CAMK2D: variants seen among roughly 807,000 people sequenced by gnomAD.
CAMK2D encodes calcium/calmodulin dependent protein kinase II delta.
Under a neutral mutation model 84.0 loss-of-function variants are expected in CAMK2D, and 37 were observed. That is an observed-to-expected ratio of 0.44 (90% CI 0.34 to 0.58). The LOEUF is 0.58. CAMK2D is among the 20% of genes least tolerant of loss of function. CAMK2D has a pLI of 0.02. For synonymous variants in CAMK2D, 202 were observed against 212.5 expected, an observed-to-expected ratio of 0.95 and a Z score of 0.43; for missense variants, 448 against 652.5, an observed-to-expected ratio of 0.69 and a Z score of 3.41.
At chr4:113,672,146 CTTT>C (rs1345573828) in intron 2 of CAMK2D, among the ~76,000 whole-genome samples, 2 of 152,104 alleles carry the variant, frequency 1.3e-5, no homozygotes, top group African/African-American at 4.8e-5. Flanking sequence ...TAACTTTCTT[CTTT>C]AAGTGAATAG....
At chr4:113,690,891 C>T (rs2099385179) in intron 2 of CAMK2D, among the ~76,000 whole-genome samples, 1 of 152,190 alleles carries the variant, frequency 6.6e-6, no homozygotes, top group Non-Finnish European at 1.5e-5. Context: ...TCTTTCTGAA[C>T]ACTTCTCTTG....
chr4:113,721,018 T>TA (rs980829345), intron 2 of CAMK2D, among the ~76,000 whole-genome samples: 4 of 152,044 alleles, frequency 2.6e-5, no homozygotes, highest in Admixed American at 2.6e-4. Context: ...GAAATACACA[T>TA]AAAAAACTTC....
At chr4:113,520,440 T>TAAAAG (rs1560676828) in intron 8 of CAMK2D, among the ~76,000 whole-genome samples, 2 of 151,930 alleles carry the variant, frequency 1.3e-5, no homozygotes, top group Non-Finnish European at 2.9e-5. Context: ...TAAAATAAAA[T>TAAAAG]AAAAGTGTTT....
chr4:113,488,205 G>C (rs575221801), intron 16 of CAMK2D, among the ~76,000 whole-genome samples: 8 of 151,928 alleles, frequency 5.3e-5, no homozygotes, highest in African/African-American at 1.9e-4. Flanking sequence ...ATAGATACAT[G>C]AACAAAAATG....
At chr4:113,741,453 T>TGTAGTATAAATTAGTC (rs2099592707) in intron 2 of CAMK2D, among the ~76,000 whole-genome samples, 1 of 152,168 alleles carries the variant, frequency 6.6e-6, no homozygotes, top group South Asian at 2.1e-4. Flanking sequence ...TTACTGTGAC[T>TGTAGTATAAATTAGTC]AATTTATAAA....
chr4:113,543,645 A>G (rs1013294014), intron 6 of CAMK2D, among the ~76,000 whole-genome samples: 1 of 152,134 alleles, frequency 6.6e-6, no homozygotes, highest in Non-Finnish European at 1.5e-5. Context: ...TGGTTCCTGA[A>G]GGAATGTTTG....
chr4:113,676,013 T>A (rs975670370), intron 2 of CAMK2D, among the ~76,000 whole-genome samples: 2 of 152,186 alleles, frequency 1.3e-5, no homozygotes, highest in Non-Finnish European at 2.9e-5. Flanking sequence ...ATTGGGAAAA[T>A]ATAACATTGA....
At chr4:113,458,836 A>C (rs2097336426) in intron 18 of CAMK2D, among the ~76,000 whole-genome samples, 2 of 152,204 alleles carry the variant, frequency 1.3e-5, no homozygotes, top group Non-Finnish European at 2.9e-5. Flanking sequence ...CATTCCTATA[A>C]TACATTTCTT....
At chr4:113,485,595 T>C (rs1260259193) in intron 16 of CAMK2D, among the ~76,000 whole-genome samples, 1 of 152,190 alleles carries the variant, frequency 6.6e-6, no homozygotes, top group Admixed American at 6.6e-5. Context: ...TTCAAATACA[T>C]ATGCCACAGA....
chr4:113,685,998 A>C (rs2099358659), intron 2 of CAMK2D, among the ~76,000 whole-genome samples: 1 of 151,978 alleles, frequency 6.6e-6, no homozygotes, highest in Non-Finnish European at 1.5e-5. Flanking sequence ...TGGGAGGCGG[A>C]GATTGCAGTG....
At chr4:113,717,568 A>C (rs544694636) in intron 2 of CAMK2D, among the ~76,000 whole-genome samples, 176 of 152,262 alleles carry the variant, frequency 1.2e-3, no homozygotes, top group African/African-American at 3.8e-3. Context: ...TTATCTCCAA[A>C]AGTGAGTGTT....
At chr4:113,505,517 TG>T (rs1185521562) in intron 13 of CAMK2D, among the ~76,000 whole-genome samples, 1 of 152,180 alleles carries the variant, frequency 6.6e-6, no homozygotes, top group African/African-American at 2.4e-5. Context: ...AATTATCCAA[TG>T]AAAATTTAGA....
intron 2 of CAMK2D, among the ~76,000 whole-genome samples, chr4:113,692,258 G>T (rs2099389115): frequency 6.6e-6 from 1 of 151,976 alleles, no homozygotes; most frequent in African/African-American, 2.4e-5. Context: ...CAGACCTCCT[G>T]ATAAAATATA....
intron 5 of CAMK2D, among the ~76,000 whole-genome samples, chr4:113,550,190 C>T (rs1296570937): frequency 3.3e-5 from 5 of 151,990 alleles, no homozygotes; most frequent in African/African-American, 1.2e-4. Context: ...AATCAAATAG[C>T]CTCTTTTGAG....
chr4:113,721,480 C>A (rs1397144169), intron 2 of CAMK2D, among the ~76,000 whole-genome samples: 1 of 152,162 alleles, frequency 6.6e-6, no homozygotes, highest in Non-Finnish European at 1.5e-5. Context: ...GTCACTAATA[C>A]AATATGTAAC....
intron 16 of CAMK2D, among the ~76,000 whole-genome samples, chr4:113,486,352 T>G (rs1400217822): frequency 1.3e-5 from 2 of 152,128 alleles, no homozygotes. Context: ...CTCAAACTCC[T>G]GGCCTCAAAA....
chr4:113,621,743 A>G (rs573409367), intron 3 of CAMK2D, among the ~76,000 whole-genome samples: 3 of 152,344 alleles, frequency 2.0e-5, no homozygotes, highest in Non-Finnish European at 4.4e-5. Context: ...CAGCACTCAT[A>G]CAGTCATTAA....
intron 2 of CAMK2D, among the ~76,000 whole-genome samples, chr4:113,685,002 A>C (rs1488824035): frequency 2.0e-5 from 3 of 152,114 alleles, no homozygotes; most frequent in Non-Finnish European, 4.4e-5. Context: ...CAGGCCTCTA[A>C]GGCAGAAGGT....
chr4:113,499,445 CA>C (rs1400302355), intron 16 of CAMK2D, among the ~76,000 whole-genome samples: 1 of 152,180 alleles, frequency 6.6e-6, no homozygotes, highest in African/African-American at 2.4e-5. Context: ...TTGTGATCTA[CA>C]GCCATTTTTA....
Sources: gnomAD v4.1 joint callset for allele counts (sites outside exome capture counted in the v4.1 genomes callset) on GRCh38, gnomAD v4.1.1 for gene constraint, MANE v1.5 for transcripts, NCBI Gene and HGNC (gene_info 2026-07-23, HGNC 2026-07-21) for gene names.